KIF16B: variants seen among roughly 807,000 people sequenced by gnomAD.
The protein encoded by KIF16B is kinesin-like protein KIF16B.
In KIF16B, 98 loss-of-function variants were observed where a neutral mutation model predicts 156.3. The ratio of observed to expected loss-of-function variants is 0.63; its 90% CI spans 0.53 to 0.74. The LOEUF (loss-of-function observed/expected upper bound fraction) is 0.74. Among genes scored for constraint, KIF16B ranks in the 30% least tolerant of loss-of-function variants. The pLI is 0.00. For synonymous variants in KIF16B, 564 were observed against 583.7 expected, an observed-to-expected ratio of 0.97 and a Z score of 0.49; for missense variants, 1,421 against 1,606.5, an observed-to-expected ratio of 0.88 and a Z score of 1.97.
intron 12 of KIF16B, among the ~76,000 whole-genome samples, chr20:16,468,232 TCAGA>T (rs774785157): frequency 1.3e-5 from 2 of 152,160 alleles, no homozygotes; most frequent in Non-Finnish European, 2.9e-5. Flanking sequence ...TGTACTGATT[TCAGA>T]CAGAGTAAAT....
At chr20:16,415,513 C>T (rs890203962) in intron 15 of KIF16B, among the ~76,000 whole-genome samples, 2 of 152,134 alleles carry the variant, frequency 1.3e-5, no homozygotes, top group African/African-American at 2.4e-5. Context: ...TCTCAGCCCA[C>T]ATTACCCATC....
At chr20:16,551,429 G>A (rs1009644568) in intron 1 of KIF16B, among the ~76,000 whole-genome samples, 1 of 152,078 alleles carries the variant, frequency 6.6e-6, no homozygotes, top group Admixed American at 6.5e-5. Context: ...GTGCCTGGCC[G>A]AGGCGCTTTC....
rs367816544 is a variant in KIF16B at position 16,379,326 on chromosome 20, G to A, written c.2676C>T (p.Phe892=). 3.2e-5 allele frequency: 52 copies of A among 1,606,218 alleles called. No individual in the cohort carries two copies. The East Asian group carries it at 5.6e-4, about 17-fold the overall frequency. ...TGTACTCCACTGGCTTTATTTTCTC[G>A]AAATCTTGAGGCACTTCCGTGACAT... ...VTDVTEVPQD[F]EKIKPVEYRL... is the part of the protein sequence containing the mutation. The change falls in exon 19 of 26, where the codon TTC becomes TTT. Residue 892 remains phenylalanine, a synonymous_variant. Transcript: ENST00000354981.
At chr20:16,348,260 T>C (rs1415395224) in intron 23 of KIF16B, among the ~76,000 whole-genome samples, 1 of 152,134 alleles carries the variant, frequency 6.6e-6, no homozygotes. Context: ...GTGTAGAAAG[T>C]AGTGATATTT....
chr20:16,395,607 G>A (rs1200965762), intron 17 of KIF16B, among the ~76,000 whole-genome samples: 1 of 152,088 alleles, frequency 6.6e-6, no homozygotes, highest in Non-Finnish European at 1.5e-5. Flanking sequence ...AAAGCACCAG[G>A]AAGGCGGATG....
intron 1 of KIF16B, among the ~76,000 whole-genome samples, chr20:16,531,070 G>C (rs2069729398): frequency 6.6e-6 from 1 of 152,064 alleles, no homozygotes; most frequent in South Asian, 2.1e-4. Context: ...CTAATACAAG[G>C]ACCCTGTCAA....
intron 24 of KIF16B, among the ~76,000 whole-genome samples, chr20:16,332,941 C>A (rs2063973348): frequency 1.3e-5 from 2 of 152,154 alleles, no homozygotes; most frequent in South Asian, 4.1e-4. Context: ...TTTGAGCTCT[C>A]TAGCACCCCA....
intron 10 of KIF16B, among the ~76,000 whole-genome samples, chr20:16,501,102 T>C (rs1378784220): frequency 1.3e-5 from 2 of 151,882 alleles, no homozygotes; most frequent in African/African-American, 4.8e-5. Context: ...ATCAATCGCC[T>C]GAGAAGCACA....
chr20:16,336,819 T>A (rs1251776213), intron 23 of KIF16B, among the ~76,000 whole-genome samples: 2 of 152,172 alleles, frequency 1.3e-5, no homozygotes, highest in Admixed American at 6.5e-5. Context: ...AAGTGCTAAG[T>A]CTTGCTCCTT....
At chr20:16,479,863 C>A (rs2067929713) in intron 12 of KIF16B, among the ~76,000 whole-genome samples, 1 of 152,172 alleles carries the variant, frequency 6.6e-6, no homozygotes, top group Admixed American at 6.5e-5. Flanking sequence ...TGACACGTTT[C>A]TTAGAACACA....
intron 23 of KIF16B, among the ~76,000 whole-genome samples, chr20:16,342,244 A>G (rs1382232818): frequency 1.4e-5 from 2 of 143,018 alleles, no homozygotes; most frequent in Non-Finnish European, 3.0e-5. Flanking sequence ...CTAATTATAT[A>G]TCTCTCTACT....
intron 12 of KIF16B, 130 bp downstream of exon 12, chr20:16,494,161 A>T: frequency 1.6e-6 from 1 of 626,608 alleles, no homozygotes; most frequent in Non-Finnish European, 2.8e-6. Flanking sequence ...CATGAAAGTC[A>T]CTAATTGGTT....
chr20:16,371,235 C>T (rs914266454), intron 21 of KIF16B, among the ~76,000 whole-genome samples: 3 of 152,112 alleles, frequency 2.0e-5, no homozygotes, highest in Non-Finnish European at 4.4e-5. Context: ...TGAATTTTCT[C>T]ACTGGAAAAC....
intron 1 of KIF16B, among the ~76,000 whole-genome samples, chr20:16,542,187 C>A (rs572517008): frequency 9.1e-4 from 138 of 152,240 alleles, no homozygotes; most frequent in African/African-American, 3.0e-3. Context: ...GCCTAACAAT[C>A]AGAAGTGCCT....
intron 9 of KIF16B, among the ~76,000 whole-genome samples, 156 bp downstream of exon 9, chr20:16,505,566 A>G (rs560359189): frequency 6.6e-6 from 1 of 152,352 alleles, no homozygotes; most frequent in African/African-American, 2.4e-5. Flanking sequence ...GGATCATAGC[A>G]GGATCATAGG....
intron 1 of KIF16B, among the ~76,000 whole-genome samples, chr20:16,567,382 C>G (rs1179810282): frequency 6.6e-6 from 1 of 152,172 alleles, no homozygotes; most frequent in Non-Finnish European, 1.5e-5. Context: ...CACTGGAGAT[C>G]TCTTCCTCTA....
rs1386904675 is a variant in KIF16B, at chr20:16,378,908, G to C, written c.3094C>G (p.Gln1032Glu). ...HSTLGMEIEE[Q>E]RQKLASLNSG... ...TTCAGACTGGCAAGTTTCTGCCTCT[G>C]CTCTTCAATCTCCATGCCCAGGGTG... Residue 1032 changes from glutamine to glutamate, a missense_variant, in exon 19 of 26, where the codon CAG becomes GAG. Gln to Glu is a conservative substitution (Grantham distance 29, BLOSUM62 2). Transcript: ENST00000354981. 6.2e-7 allele frequency: 1 copy of C among 1,613,946 alleles called. No homozygotes were observed. Among genetic ancestry groups the C allele is most frequent in the Non-Finnish European group, 8.5e-7 (1 of 1,179,962 alleles).
intron 17 of KIF16B, among the ~76,000 whole-genome samples, chr20:16,386,812 C>G (rs1019186086): frequency 2.6e-5 from 4 of 152,070 alleles, no homozygotes; most frequent in African/African-American, 9.7e-5. Flanking sequence ...AATCTCTCAA[C>G]CTTCCTACAC....
chr20:16,497,545 A>G (rs1161902158), intron 11 of KIF16B, 68 bp downstream of exon 11: 5 of 1,275,800 alleles, frequency 3.9e-6, no homozygotes, highest in Non-Finnish European at 5.7e-6. Flanking sequence ...GGCAAGTCCT[A>G]AAAAAGCATG....
Sources: gnomAD v4.1 joint callset for allele counts (sites outside exome capture counted in the v4.1 genomes callset) on GRCh38, gnomAD v4.1.1 for gene constraint, MANE v1.5 for transcripts, NCBI Gene and HGNC (gene_info 2026-07-23, HGNC 2026-07-21) for gene names.